Variants in WBP2NL observed in about 807,000 individuals in gnomAD.
WBP2NL encodes postacrosomal sheath WW domain-binding protein.
In WBP2NL, 27 loss-of-function variants were observed where a neutral mutation model predicts 23.3. The observed-to-expected ratio is 1.16, with a 90% CI of 0.85 to 1.60. The LOEUF is 1.60. Ranked by LOEUF, WBP2NL falls within the 40% of genes most tolerant of loss-of-function variation. The probability of loss-of-function intolerance (pLI) is 0.00; values close to 1 mark genes in which losing one functional copy is unlikely to be tolerated. For missense variants in WBP2NL, 370 were observed against 389.5 expected (o/e 0.95, Z 0.42); for synonymous variants, 151 against 145.9 (o/e 1.03, Z -0.25).
At position 42,027,228 on chromosome 22, in the gene WBP2NL, C is replaced by A; in HGVS notation, c.*47C>A. 6.5e-7 allele frequency: 1 copy of A among 1,548,646 alleles called. No homozygotes were observed. The stretch of plus-strand genomic sequence containing the variant: ...AAGACTCACCAAGCAAAGAGGTACC[C>A]TAAAATTGAAGTCAGGATAAGGAGG... On this transcript the variant is annotated 3_prime_UTR_variant, in exon 6 of 6. Coordinates refer to ENST00000328823, the MANE Select transcript of WBP2NL (RefSeq NM_152613.3).
intron 2 of WBP2NL, 90 bp downstream of exon 2, chr22:42,019,509 T>G: frequency 6.5e-7 from 1 of 1,545,844 alleles, no homozygotes. Flanking sequence ...TTTTGAAGTG[T>G]TTTTAAACGT....
intron 1 of WBP2NL, among the ~76,000 whole-genome samples, chr22:42,005,955 C>G (rs974140639): frequency 2.0e-5 from 3 of 152,188 alleles, no homozygotes; most frequent in African/African-American, 7.2e-5. Flanking sequence ...GTCATGGCAA[C>G]AGTTTTTTGA....
chr22:42,047,278 AAAAAAAAAAAAAG>A (rs1290963236), intron 8 of WBP2NL, among the ~76,000 whole-genome samples: 1 of 151,364 alleles, frequency 6.6e-6, no homozygotes, highest in Non-Finnish European at 1.5e-5. Context: ...TCAAAAAAAA[AAAAAAAAAAAAAG>A]AAAATCGGAG....
At chr22:42,037,783 C>CTT (rs112165362), downstream of WBP2NL, among the ~76,000 whole-genome samples, 7,625 of 151,322 alleles carry the variant, frequency 0.05, 668 homozygotes, top group African/African-American at 0.18. Context: ...TGTCCTGAAA[C>CTT]TACGGAATTC....
At chr22:42,037,830 GGAGAGA>G, downstream of WBP2NL, among the ~76,000 whole-genome samples, 2 of 134,032 alleles carry the variant, frequency 1.5e-5, no homozygotes, top group Admixed American at 7.9e-5. Context: ...GGAGGTGCGG[GGAGAGA>G]GAGAGAGAGT....
chr22:42,044,238 A>AT (rs1290105645), intron 8 of WBP2NL, among the ~76,000 whole-genome samples: 17 of 150,618 alleles, frequency 1.1e-4, no homozygotes, highest in South Asian at 2.1e-4. Flanking sequence ...TTTTTTTTAA[A>AT]TTTTTTTTTA....
intron 1 of WBP2NL, among the ~76,000 whole-genome samples, chr22:42,017,633 CT>C (rs988626510): frequency 5.3e-5 from 8 of 152,184 alleles, no homozygotes; most frequent in African/African-American, 1.9e-4. Context: ...AGAGCACCCA[CT>C]GTTTGCTAGG....
At chr22:42,038,555 T>G (rs1925275859) in intron 8 of WBP2NL, among the ~76,000 whole-genome samples, 1 of 152,186 alleles carries the variant, frequency 6.6e-6, no homozygotes, top group Admixed American at 6.5e-5. Context: ...CTTTGAATAT[T>G]TGGTAGAATT....
At chr22:42,049,518 G>A (rs896289152) in intron 8 of WBP2NL, among the ~76,000 whole-genome samples, 7 of 151,582 alleles carry the variant, frequency 4.6e-5, no homozygotes, top group African/African-American at 1.2e-4. Context: ...GTGAAACCCC[G>A]TCTCTACTAA....
intron 8 of WBP2NL, among the ~76,000 whole-genome samples, chr22:42,042,853 G>A (rs1925444181): frequency 6.6e-6 from 1 of 152,024 alleles, no homozygotes; most frequent in Non-Finnish European, 1.5e-5. Flanking sequence ...GAGCCCAGCA[G>A]TTCGAGATGA....
At chr22:42,033,597 G>A (rs1050993755), downstream of WBP2NL, among the ~76,000 whole-genome samples, 3 of 152,122 alleles carry the variant, frequency 2.0e-5, no homozygotes, top group African/African-American at 7.2e-5. Flanking sequence ...CAATAGCTCA[G>A]AGGAGGCCTT....
intron 8 of WBP2NL, among the ~76,000 whole-genome samples, chr22:42,039,820 C>G (rs915875893): frequency 9.9e-5 from 15 of 150,932 alleles, no homozygotes; most frequent in African/African-American, 3.7e-4. Context: ...TTGTTTATTT[C>G]TGCTCTAATT....
At chr22:42,030,382 A>G (rs1007322759), downstream of WBP2NL, among the ~76,000 whole-genome samples, 1 of 152,364 alleles carries the variant, frequency 6.6e-6, no homozygotes, top group African/African-American at 2.4e-5. Context: ...AGAGCTTTAT[A>G]TCCAATTTAC....
intron 1 of WBP2NL, among the ~76,000 whole-genome samples, chr22:42,011,953 T>C (rs1439010974): frequency 6.6e-6 from 1 of 151,776 alleles, no homozygotes; most frequent in Non-Finnish European, 1.5e-5. Context: ...TTTTGAATGT[T>C]TATACTAGAG....
intron 8 of WBP2NL, among the ~76,000 whole-genome samples, chr22:42,053,470 CT>C (rs113587314): frequency 6.2e-5 from 9 of 144,360 alleles, no homozygotes; most frequent in Admixed American, 2.1e-4. Flanking sequence ...TTTTCTTTTT[CT>C]TTTTTTTTTA....
intron 5 of WBP2NL, among the ~76,000 whole-genome samples, chr22:42,022,579 C>G (rs1924075833): frequency 6.6e-6 from 1 of 152,230 alleles, no homozygotes. Context: ...ATATACAAAC[C>G]TGGAACATAC....
rs113587314 is a variant in WBP2NL, at chr22:42,053,470, C to CT, written c.*274-4810dup. Among the ~76,000 whole-genome samples, 518 of 144,474 alleles carry CT rather than the reference C, an allele frequency of 3.6e-3. 1 individual carries two copies. Among genetic ancestry groups the CT allele is most frequent in the African/African-American group, 7.2e-3 (275 of 38,444 alleles). The allele number at this position is 144,474 out of a possible 152,430, so 94.8% of individuals were successfully genotyped here. A position where few individuals can be genotyped will look rare whatever the true frequency, so the allele number is the denominator to read the frequency against. ...TTTTCCTCTTTTTCTTTTTCTTTTT[C>CT]TTTTTTTTTTAAGACCAGAGTCACT... On this transcript the variant is annotated intron_variant and NMD_transcript_variant, in intron 8 of 8. Coordinates refer to the WBP2NL transcript ENST00000436265.
chr22:42,020,892 A>G (rs1245053975), intron 4 of WBP2NL, among the ~76,000 whole-genome samples: 1 of 43,072 alleles, frequency 2.3e-5, no homozygotes, highest in African/African-American at 1.1e-4. Context: ...ATATATATAT[A>G]TATATATATA....
intron 1 of WBP2NL, among the ~76,000 whole-genome samples, chr22:42,004,839 G>C (rs1216068327): frequency 6.6e-6 from 1 of 151,868 alleles, no homozygotes; most frequent in Non-Finnish European, 1.5e-5. Context: ...CAGGAGAATC[G>C]CTTGAACCTG....
Sources: allele counts gnomAD v4.1 joint callset (sites outside exome capture counted in the v4.1 genomes callset), GRCh38; gene constraint gnomAD v4.1.1; transcripts MANE v1.5; gene names NCBI Gene and HGNC (gene_info 2026-07-23, HGNC 2026-07-21).